Variants in CCDC178 observed in about 807,000 individuals in gnomAD.
The protein encoded by CCDC178 is coiled-coil domain containing 178, also known as coiled-coil domain-containing protein 178.
CCDC178 carries 126 observed loss-of-function variants against 117.4 expected under a neutral mutation model. The observed-to-expected ratio is 1.07, with a 90% CI of 0.93 to 1.24. The LOEUF is 1.24. CCDC178 is among the 50% of genes most tolerant of loss of function. The pLI is 0.00. For missense variants in CCDC178, 1,030 were observed against 986.9 expected (o/e 1.04, Z -0.59); for synonymous variants, 283 against 313.4 (o/e 0.90, Z 1.02).
At chr18:33,414,197 T>C (rs1363804928) in intron 2 of CCDC178, among the ~76,000 whole-genome samples, 1 of 152,182 alleles carries the variant, frequency 6.6e-6, no homozygotes, top group African/African-American at 2.4e-5. Flanking sequence ...ATTAATATTG[T>C]CGATTTGAAA....
intron 20 of CCDC178, among the ~76,000 whole-genome samples, chr18:33,143,750 A>G (rs2058237111): frequency 1.3e-5 from 2 of 152,110 alleles, no homozygotes; most frequent in Non-Finnish European, 2.9e-5. Flanking sequence ...TTTTCTGAGG[A>G]TATTTGTTCA....
chr18:33,156,799 T>C (rs560145938), intron 20 of CCDC178, among the ~76,000 whole-genome samples: 8 of 152,258 alleles, frequency 5.3e-5, no homozygotes, highest in South Asian at 2.1e-4. Flanking sequence ...ATCTTGCTAA[T>C]AGATGTACGT....
At chr18:33,130,399 T>C (rs960716160) in intron 20 of CCDC178, among the ~76,000 whole-genome samples, 2 of 152,064 alleles carry the variant, frequency 1.3e-5, no homozygotes, top group Non-Finnish European at 2.9e-5. Flanking sequence ...CTAGGCACTG[T>C]ACTAAATTAT....
intron 21 of CCDC178, among the ~76,000 whole-genome samples, chr18:33,064,091 G>A (rs970195915): frequency 2.6e-4 from 39 of 152,176 alleles, no homozygotes; most frequent in Admixed American, 2.6e-3. Context: ...TAAATGTGCA[G>A]ATATTAATGT....
intron 21 of CCDC178, among the ~76,000 whole-genome samples, chr18:33,047,623 TA>T (rs1415220648): frequency 6.6e-6 from 1 of 152,204 alleles, no homozygotes; most frequent in Non-Finnish European, 1.5e-5. Context: ...ACTTCCAACC[TA>T]AAATGCCCTG....
At chr18:33,376,013 C>T (rs1219357335) in intron 5 of CCDC178, among the ~76,000 whole-genome samples, 1 of 152,090 alleles carries the variant, frequency 6.6e-6, no homozygotes, top group Non-Finnish European at 1.5e-5. Context: ...TGGATAACGG[C>T]CAAGCGGGTG....
At chr18:33,195,461 T>C (rs1461717960) in intron 20 of CCDC178, among the ~76,000 whole-genome samples, 1 of 152,142 alleles carries the variant, frequency 6.6e-6, no homozygotes, top group Non-Finnish European at 1.5e-5. Flanking sequence ...TTAGGCCTCA[T>C]TTCAAAAACA....
At chr18:32,986,566 A>T (rs904984228) in intron 21 of CCDC178, among the ~76,000 whole-genome samples, 11 of 152,146 alleles carry the variant, frequency 7.2e-5, no homozygotes, top group African/African-American at 2.7e-4. Context: ...ATAAAGAGAT[A>T]TTTTAGATAA....
chr18:33,171,350 G>C (rs1210831050), intron 20 of CCDC178, among the ~76,000 whole-genome samples: 1 of 152,078 alleles, frequency 6.6e-6, no homozygotes, highest in East Asian at 1.9e-4. Flanking sequence ...AAAAATTTCT[G>C]GTCCTAAAGT....
intron 21 of CCDC178, among the ~76,000 whole-genome samples, chr18:33,012,614 C>T (rs1438393296): frequency 6.6e-6 from 1 of 152,114 alleles, no homozygotes; most frequent in East Asian, 1.9e-4. Flanking sequence ...TTTTTCTTAA[C>T]ATTAATATAA....
chr18:33,194,696 G>T (rs1382584117), intron 20 of CCDC178, among the ~76,000 whole-genome samples: 1 of 151,914 alleles, frequency 6.6e-6, no homozygotes, highest in African/African-American at 2.4e-5. Flanking sequence ...TACAACAGTT[G>T]ATATGATGAT....
intron 2 of CCDC178, among the ~76,000 whole-genome samples, chr18:33,428,752 A>AAG (rs2064159562): frequency 6.7e-6 from 1 of 149,574 alleles, no homozygotes; most frequent in African/African-American, 2.5e-5. Flanking sequence ...AAAAAAAAAA[A>AAG]AGAGAAAAGA....
intron 21 of CCDC178, among the ~76,000 whole-genome samples, chr18:33,085,847 A>G: frequency 6.6e-6 from 1 of 152,176 alleles, no homozygotes; most frequent in Non-Finnish European, 1.5e-5. Context: ...TAAAGAAAAT[A>G]TTTAGCATAT....
At chr18:33,338,106 A>C (rs779308202) in intron 9 of CCDC178, among the ~76,000 whole-genome samples, 1 of 152,146 alleles carries the variant, frequency 6.6e-6, no homozygotes, top group Non-Finnish European at 1.5e-5. Flanking sequence ...TGAGTAGACA[A>C]TTCTCAAAAG....
chr18:33,259,898 C>T (rs937581417), intron 14 of CCDC178, among the ~76,000 whole-genome samples: 8 of 152,024 alleles, frequency 5.3e-5, no homozygotes, highest in Non-Finnish European at 8.8e-5. Context: ...TTTAGTTGGA[C>T]TGAATTAACA....
intron 20 of CCDC178, among the ~76,000 whole-genome samples, chr18:33,147,334 C>T (rs377023747): frequency 6.2e-4 from 90 of 144,156 alleles, no homozygotes; most frequent in African/African-American, 2.3e-3. Flanking sequence ...AGAGAACCTA[C>T]TCCTGCAAGC....
At position 33,307,709 on chromosome 18, in the gene CCDC178, C is replaced by T. The variant is rs892800425; in HGVS notation, c.1023-14397G>A. Among the ~76,000 whole-genome samples the T allele has an allele frequency of 2.0e-5, 3 of 152,174 alleles. No homozygotes were observed. The East Asian group carries it at 5.8e-4, about 29-fold the overall frequency. ...AAAACGGTCTTGTAGGCAGTCTTTC[C>T]CCCTGCTCTGTGCAGCCTTGGGATG... On this transcript the variant is annotated intron_variant, in intron 11 of 22. Transcript: ENST00000383096.
intron 21 of CCDC178, among the ~76,000 whole-genome samples, chr18:33,053,433 C>T (rs2056777577): frequency 6.6e-6 from 1 of 152,102 alleles, no homozygotes; most frequent in Non-Finnish European, 1.5e-5. Flanking sequence ...GGTGGACGGA[C>T]ATAGGTAATA....
intron 11 of CCDC178, among the ~76,000 whole-genome samples, chr18:33,302,205 G>T (rs1030535582): frequency 3.9e-5 from 6 of 152,084 alleles, no homozygotes. Context: ...CACTATGATT[G>T]TCAGCTTCCT....
Sources: allele counts gnomAD v4.1 joint callset (sites outside exome capture counted in the v4.1 genomes callset), GRCh38; gene constraint gnomAD v4.1.1; transcripts MANE v1.5; gene names NCBI Gene and HGNC (gene_info 2026-07-23, HGNC 2026-07-21).